Variants in FBXL7 observed in about 807,000 individuals in gnomAD.
FBXL7 encodes the protein F-box/LRR-repeat protein 7.
A neutral mutation model predicts 38.3 loss-of-function variants in FBXL7; 12 were observed. That is an observed-to-expected ratio of 0.31 (90% CI 0.20 to 0.51). FBXL7 has a LOEUF of 0.51. Ranked by LOEUF, FBXL7 falls within the 20% of genes least tolerant of loss-of-function variation. The pLI, the probability that FBXL7 is intolerant of heterozygous loss-of-function variation, is 0.98. For synonymous variants in FBXL7, 297 were observed against 300.9 expected (o/e 0.99, Z 0.13); for missense variants, 567 against 676.4 (o/e 0.84, Z 1.79).
intron 2 of FBXL7, among the ~76,000 whole-genome samples, chr5:15,902,706 G>T (rs1248054733): frequency 6.6e-6 from 1 of 152,222 alleles, no homozygotes; most frequent in Non-Finnish European, 1.5e-5. Flanking sequence ...GAACCATTCA[G>T]GAAGCAGCAG....
At chr5:15,897,522 A>G (rs1741132921) in intron 2 of FBXL7, among the ~76,000 whole-genome samples, 1 of 152,212 alleles carries the variant, frequency 6.6e-6, no homozygotes, top group Non-Finnish European at 1.5e-5. Flanking sequence ...GATGTTGAAG[A>G]TCCCAGGAAA....
intron 2 of FBXL7, among the ~76,000 whole-genome samples, chr5:15,848,006 C>T (rs563493242): frequency 6.6e-6 from 1 of 152,272 alleles, no homozygotes; most frequent in South Asian, 2.1e-4. Flanking sequence ...TTGTGAGGCC[C>T]TTGCTGAGTG....
intron 2 of FBXL7, among the ~76,000 whole-genome samples, chr5:15,893,895 A>G (rs912965136): frequency 2.6e-4 from 40 of 152,234 alleles, no homozygotes; most frequent in African/African-American, 8.9e-4. Context: ...TCAAACTCCA[A>G]TCCAGGCAGA....
At chr5:15,754,815 T>C (rs1736248395) in intron 2 of FBXL7, among the ~76,000 whole-genome samples, 1 of 152,206 alleles carries the variant, frequency 6.6e-6, no homozygotes, top group Non-Finnish European at 1.5e-5. Flanking sequence ...CTAGTGATTC[T>C]GGAAATCATT....
intron 1 of FBXL7, among the ~76,000 whole-genome samples, chr5:15,508,491 C>T (rs1007415946): frequency 1.3e-5 from 2 of 152,158 alleles, no homozygotes; most frequent in African/African-American, 2.4e-5. Context: ...CTGCCCAAAT[C>T]GTAGCTGGGC....
rs149300178 is a variant in FBXL7, at chr5:15,689,219, G to C, written c.127+73147G>C. ...CCTTCTTGTTCCAACTCTTTTCTCTGTTCTAAATATTATTCACCTCTTGCT... is the reference window on the plus strand; with the variant it reads ...CCTTCTTGTTCCAACTCTTTTCTCTCTTCTAAATATTATTCACCTCTTGCT... On this transcript the variant is annotated intron_variant, in intron 2 of 3. Transcript: ENST00000504595. 4.5e-3 allele frequency among the ~76,000 whole-genome samples: 659 copies of C among 147,732 alleles called. 4 individuals carry two copies. The highest frequency in any genetic ancestry group is 0.016 in the African/African-American group (631 of 40,120).
chr5:15,937,220 A>G lies in FBXL7; in HGVS notation c.*34A>G. 1 of 1,507,384 alleles carries G rather than the reference A, an allele frequency of 6.6e-7. No homozygotes were observed. The allele number at this position is 1,507,384 out of a possible 1,614,324, so 93.4% of individuals were successfully genotyped here. A position where few individuals can be genotyped will look rare whatever the true frequency, so the allele number is the denominator to read the frequency against. On this transcript the variant is annotated 3_prime_UTR_variant, in exon 4 of 4. Transcript: ENST00000504595. The stretch of plus-strand genomic sequence containing the variant: ...AGTTCATCCGGCGTTGTATTCACAC[A>G]AACCTGAACAAAGCAAATTTTTTTA...
intron 2 of FBXL7, among the ~76,000 whole-genome samples, chr5:15,690,640 C>T (rs576185292): frequency 2.0e-4 from 31 of 152,304 alleles, no homozygotes; most frequent in Admixed American, 1.4e-3. Context: ...CTCTAATTCT[C>T]AACGTGGATG....
chr5:15,709,619 C>CT (rs1423661541), intron 2 of FBXL7, among the ~76,000 whole-genome samples: 1 of 102,110 alleles, frequency 9.8e-6, no homozygotes, highest in Non-Finnish European at 2.2e-5. Flanking sequence ...TTGTCTGTGG[C>CT]TATTACTCTT....
intron 2 of FBXL7, among the ~76,000 whole-genome samples, chr5:15,905,877 A>G (rs1008646279): frequency 1.3e-5 from 2 of 151,838 alleles, no homozygotes; most frequent in Non-Finnish European, 2.9e-5. Context: ...CCCAACCCCA[A>G]CCCCACCCAT....
chr5:15,833,339 G>A (rs1269103998), intron 2 of FBXL7, among the ~76,000 whole-genome samples: 1 of 152,082 alleles, frequency 6.6e-6, no homozygotes, highest in African/African-American at 2.4e-5. Context: ...TTTGATAAGG[G>A]CACTCGTCTC....
At chr5:15,577,113 G>A (rs965061871) in intron 1 of FBXL7, among the ~76,000 whole-genome samples, 2 of 152,128 alleles carry the variant, frequency 1.3e-5, no homozygotes, top group Admixed American at 6.6e-5. Context: ...ATAACAATGC[G>A]TCCTAGGAGC....
intron 2 of FBXL7, among the ~76,000 whole-genome samples, chr5:15,895,850 T>TG (rs1741089116): frequency 6.6e-6 from 1 of 151,688 alleles, no homozygotes; most frequent in Non-Finnish European, 1.5e-5. Flanking sequence ...TTCACTCTGT[T>TG]AGCCAGGATG....
intron 2 of FBXL7, among the ~76,000 whole-genome samples, chr5:15,753,818 T>C (rs1736218400): frequency 6.6e-6 from 1 of 152,194 alleles, no homozygotes. Context: ...CATATATTTA[T>C]TTTTTTAAGA....
chr5:15,655,514 A>G (rs924669186), intron 2 of FBXL7, among the ~76,000 whole-genome samples: 1 of 152,056 alleles, frequency 6.6e-6, no homozygotes, highest in African/African-American at 2.4e-5. Flanking sequence ...AAAGAAAAGA[A>G]AAGAGAAAGA....
intron 2 of FBXL7, among the ~76,000 whole-genome samples, chr5:15,678,384 A>G (rs1742728706): frequency 6.6e-6 from 1 of 152,186 alleles, no homozygotes; most frequent in Admixed American, 6.5e-5. Context: ...TAGAGCTACA[A>G]AAATCTTAAA....
At chr5:15,659,948 C>T (rs1044959878) in intron 2 of FBXL7, among the ~76,000 whole-genome samples, 4 of 152,228 alleles carry the variant, frequency 2.6e-5, no homozygotes, top group African/African-American at 7.2e-5. Context: ...ATTTCTTTAT[C>T]GTTTACATTT....
chr5:15,510,791 A>G (rs1047324264), intron 1 of FBXL7, among the ~76,000 whole-genome samples: 1 of 152,228 alleles, frequency 6.6e-6, no homozygotes, highest in Admixed American at 6.5e-5. Flanking sequence ...TATAGCTAGC[A>G]GTTATTGAGC....
At chr5:15,917,439 T>G (rs1741611690) in intron 2 of FBXL7, among the ~76,000 whole-genome samples, 1 of 152,046 alleles carries the variant, frequency 6.6e-6, no homozygotes, top group South Asian at 2.1e-4. Context: ...AGATCTCATC[T>G]CTACAGAAAA....
Sources: allele counts gnomAD v4.1 joint callset (sites outside exome capture counted in the v4.1 genomes callset), GRCh38; gene constraint gnomAD v4.1.1; transcripts MANE v1.5; gene names NCBI Gene and HGNC (gene_info 2026-07-23, HGNC 2026-07-21).